KCNQ1: variants seen among roughly 807,000 people sequenced by gnomAD.
The protein encoded by KCNQ1 is potassium voltage-gated channel subfamily Q member 1, also known as potassium voltage-gated channel subfamily KQT member 1.
In KCNQ1, 49 loss-of-function variants were observed where a neutral mutation model predicts 72.4. The observed-to-expected ratio is 0.68, with a 90% CI of 0.54 to 0.86. KCNQ1 has a LOEUF of 0.86. KCNQ1 is among the 40% of genes least tolerant of loss of function. KCNQ1 has a pLI of 0.00. For synonymous variants in KCNQ1, 450 were observed against 412.6 expected (o/e 1.09, Z -1.10); for missense variants, 790 against 945.1 (o/e 0.84, Z 2.15).
In KCNQ1 at chr11:2,563,086, C is replaced by A. The variant is rs1848197872; in HGVS notation, c.478-7542C>A. On this transcript the variant is annotated intron_variant, in intron 2 of 15. Coordinates refer to ENST00000155840, the MANE Select transcript of KCNQ1 (RefSeq NM_000218.3). This position sits in a 1 kb window ranked among gnomAD's most constrained non-coding sequence, Gnocchi z 7.4. The stretch of plus-strand genomic sequence containing the variant: ...GTCAGAACCAGTTATTTCAGGCTGC[C>A]CTGTGATCTTTCCCACGTGATTGAT... Among the ~76,000 whole-genome samples, 1 of 152,142 alleles carries A rather than the reference C, an allele frequency of 6.6e-6. No homozygotes were observed. The highest frequency in any genetic ancestry group is 6.5e-5 in the Admixed American group (1 of 15,268).
intron 1 of KCNQ1, among the ~76,000 whole-genome samples, chr11:2,523,916 A>C (rs2133641543): frequency 6.6e-6 from 1 of 151,990 alleles, no homozygotes; most frequent in Admixed American, 6.5e-5. Context: ...GGTCACTGAG[A>C]GGCTGGGGCA....
intron 11 of KCNQ1, chr11:2,685,421 G>C: frequency 2.5e-6 from 1 of 398,710 alleles, no homozygotes; most frequent in African/African-American, 2.1e-5. Flanking sequence ...CCTTCACATA[G>C]AATTGTCACC....
intron 6 of KCNQ1, among the ~76,000 whole-genome samples, chr11:2,582,627 T>C (rs1374617723): frequency 6.6e-6 from 1 of 152,192 alleles, no homozygotes; most frequent in Admixed American, 6.5e-5. Flanking sequence ...CCACCATGCC[T>C]GCTGTCCAGA....
At position 2,651,055 on chromosome 11, in the gene KCNQ1, AC is replaced by A; in HGVS notation, c.1394-10905del. The A allele has an allele frequency of 2.5e-6, 1 of 398,864 alleles. No individual in the cohort carries two copies. Among genetic ancestry groups the A allele is most frequent in the Non-Finnish European group, 4.4e-6 (1 of 226,258 alleles). The allele number at this position is 398,864 out of a possible 1,614,324, so 24.7% of individuals were successfully genotyped here. On this transcript the variant is annotated intron_variant, in intron 10 of 15. Transcript: ENST00000155840. This position sits in a 1 kb window ranked among gnomAD's most constrained non-coding sequence, Gnocchi z 6.1. Reference sequence around the variant, plus strand: ...TAAAACCACCACCATTTCTCTGCCTACATTGTTGTCCATACCTCATTACTGG... The same window carrying A: ...TAAAACCACCACCATTTCTCTGCCTAATTGTTGTCCATACCTCATTACTGG...
Position 2,815,742 on chromosome 11 carries a change from C to T in KCNQ1, c.1795-32025C>T, listed in dbSNP as rs886657596. ...ATTCAGGAGAGGGTGGGAGCAGACA[C>T]GGGAGTAGGATGGGGGCCCTGGAGG... is the stretch of plus-strand genomic sequence containing the variant. On this transcript the variant is annotated intron_variant, in intron 15 of 15. Transcript: ENST00000155840. This position sits in a 1 kb window ranked among gnomAD's most constrained non-coding sequence, Gnocchi z 5.4. Among the ~76,000 whole-genome samples, 4 of 152,034 alleles carry T rather than the reference C, an allele frequency of 2.6e-5. No homozygotes were observed. The highest frequency in any genetic ancestry group is 6.5e-5 in the Admixed American group (1 of 15,274).
At chr11:2,675,886 T>G (rs1850285053) in intron 11 of KCNQ1, 1 of 398,592 alleles carries the variant, frequency 2.5e-6, no homozygotes, top group Admixed American at 4.4e-5. Flanking sequence ...AATCGTGCTT[T>G]ATGTATTCAA....
rs1848691665 is a variant in KCNQ1 at position 2,593,137 on chromosome 11, A to G, written c.1393+4283A>G. 6.6e-6 allele frequency among the ~76,000 whole-genome samples: 1 copy of G among 152,026 alleles called. No homozygotes were observed. Among genetic ancestry groups the G allele is most frequent in the Non-Finnish European group, 1.5e-5 (1 of 67,988 alleles). ...CCCAAGCTGGTACCATGCCTAACCC[A>G]TGGTGGGTACACGATAAAAATGCAG... On this transcript the variant is annotated intron_variant, in intron 10 of 15. Coordinates refer to ENST00000155840, the MANE Select transcript of KCNQ1 (RefSeq NM_000218.3). The surrounding 1 kb of genome is among the most constrained non-coding windows in gnomAD (Gnocchi z 6.9).
At chr11:2,699,290 G>A (rs1457685271) in intron 11 of KCNQ1, 4 of 398,964 alleles carry the variant, frequency 1.0e-5, no homozygotes, top group South Asian at 1.3e-4. Flanking sequence ...CACTGCTGAC[G>A]CCTGTGATCT....
chr11:2,776,799 C>T (rs943958529), intron 13 of KCNQ1, among the ~76,000 whole-genome samples, 187 bp from the exon 14 acceptor site: 6 of 152,208 alleles, frequency 3.9e-5, no homozygotes, highest in Admixed American at 6.5e-5. Flanking sequence ...TGCTCAGCCC[C>T]CTCGGGAGCA....
chr11:2,537,979 A>T lies in KCNQ1; in HGVS notation c.477+9961A>T, dbSNP rs1181030251. On this transcript the variant is annotated intron_variant, in intron 2 of 15. Coordinates refer to ENST00000155840, the MANE Select transcript of KCNQ1 (RefSeq NM_000218.3). This position sits in a 1 kb window ranked among gnomAD's most constrained non-coding sequence, Gnocchi z 5.2. ...AATCCTCCCACCTCGGCCAACCCAAAGTGCTGAGATTATAGGCATGAACCA... is the reference window on the plus strand; with the variant it reads ...AATCCTCCCACCTCGGCCAACCCAATGTGCTGAGATTATAGGCATGAACCA... 6.6e-6 allele frequency among the ~76,000 whole-genome samples: 1 copy of T among 152,220 alleles called. No homozygotes were observed. The highest frequency in any genetic ancestry group is 1.5e-5 in the Non-Finnish European group (1 of 68,030).
At position 2,845,858 on chromosome 11, in the gene KCNQ1, C is replaced by G. The variant is rs369487503; in HGVS notation, c.1795-1909C>G. ...CCCACTCAGGCAGGCGCCCCCCTCT[C>G]ATCTCAGCCTCTCACAGCACCCTGT... On this transcript the variant is annotated intron_variant, in intron 15 of 15. Transcript: ENST00000155840. Among the ~76,000 whole-genome samples the G allele has an allele frequency of 4.6e-5, 7 of 152,292 alleles. No individual in the cohort carries two copies. In the East Asian group the frequency reaches 1.2e-3, roughly 25 times the overall value.
rs1849014531 is a variant in KCNQ1, at chr11:2,613,542, C to T, written c.1393+24688C>T. 2.5e-6 allele frequency: 1 copy of T among 398,398 alleles called. No homozygotes were observed. The highest frequency in any genetic ancestry group is 4.4e-6 in the Non-Finnish European group (1 of 226,034). The allele number at this position is 398,398 out of a possible 1,614,324, so 24.7% of individuals were successfully genotyped here. A position where few individuals can be genotyped will look rare whatever the true frequency, so the allele number is the denominator to read the frequency against. On this transcript the variant is annotated intron_variant, in intron 10 of 15. Coordinates refer to ENST00000155840, the MANE Select transcript of KCNQ1 (RefSeq NM_000218.3). The surrounding 1 kb of genome is among the most constrained non-coding windows in gnomAD (Gnocchi z 4.8). ...ATGGCAGCCCCACGTTAAATCATAA[C>T]CCTGCTATTCTTAGGAAGGCTTAAT...
intron 15 of KCNQ1, among the ~76,000 whole-genome samples, chr11:2,839,326 A>C (rs1212360571): frequency 6.6e-6 from 1 of 152,020 alleles, no homozygotes; most frequent in African/African-American, 2.4e-5. Context: ...TCTGCCACTG[A>C]CTCCCTCCAT....
At chr11:2,539,178 A>T (rs1847783148) in intron 2 of KCNQ1, among the ~76,000 whole-genome samples, 1 of 151,882 alleles carries the variant, frequency 6.6e-6, no homozygotes, top group South Asian at 2.1e-4. Context: ...CCACCAGAAC[A>T]CCTCCTCCAG....
intron 15 of KCNQ1, among the ~76,000 whole-genome samples, chr11:2,825,685 G>A (rs1847823232): frequency 6.6e-6 from 1 of 152,252 alleles, no homozygotes; most frequent in South Asian, 2.1e-4. Flanking sequence ...ACAATAAACA[G>A]ACAATTAATT....
Position 2,733,814 on chromosome 11 carries a change from A to ACACACACACACACACT in KCNQ1, c.1515-35029_1515-35028insACACACACACACACTC. Among the ~76,000 whole-genome samples the ACACACACACACACACT allele has an allele frequency of 2.8e-4, 24 of 86,644 alleles. No homozygotes were observed. The East Asian group carries it at 3.2e-3, about 11-fold the overall frequency. 56.8% of individuals were successfully genotyped at this position (86,644 alleles called of 152,430 possible). ...CACACACACACACACACACACACAC[A>ACACACACACACACACT]CTCTCTCACTCTCTCTCTCTCTCTC... is the stretch of plus-strand genomic sequence containing the variant. On this transcript the variant is annotated intron_variant, in intron 11 of 15. Transcript: ENST00000155840.
Position 2,592,184 on chromosome 11 carries a change from C to T in KCNQ1, c.1393+3330C>T, listed in dbSNP as rs528756928. Among the ~76,000 whole-genome samples the T allele has an allele frequency of 2.4e-4, 37 of 152,366 alleles. No homozygotes were observed. Among genetic ancestry groups the T allele is most frequent in the African/African-American group, 8.4e-4 (35 of 41,592 alleles). ...CACACAAGCCCCTTCAGCTCGTGCT[C>T]TAGCTGGTGCTGTGCGGTGTTGGCC... On this transcript the variant is annotated intron_variant, in intron 10 of 15. Transcript: ENST00000155840. The surrounding 1 kb of genome is among the most constrained non-coding windows in gnomAD (Gnocchi z 5.2).
chr11:2,504,325 G>A (rs534980357), intron 1 of KCNQ1, among the ~76,000 whole-genome samples: 2 of 152,142 alleles, frequency 1.3e-5, no homozygotes, highest in South Asian at 4.2e-4. Context: ...ACCAGAGGCT[G>A]GGAAGGGTAG....
rs1156692206 is a variant in KCNQ1 at position 2,482,943 on chromosome 11, T to G, written c.386+37459T>G. On this transcript the variant is annotated intron_variant, in intron 1 of 15. Coordinates refer to ENST00000155840, the MANE Select transcript of KCNQ1 (RefSeq NM_000218.3). This position sits in a 1 kb window ranked among gnomAD's most constrained non-coding sequence, Gnocchi z 5.7. ...AGAGTCATGGACCGGCATGGCGTGG[T>G]AATGCATGGTGCGTGTCTCTTAGCA... 3.3e-5 allele frequency among the ~76,000 whole-genome samples: 5 copies of G among 152,010 alleles called. No homozygotes were observed. Among genetic ancestry groups the G allele is most frequent in the Admixed American group, 2.6e-4 (4 of 15,258 alleles).
Sources: gnomAD v4.1 joint callset for allele counts (sites outside exome capture counted in the v4.1 genomes callset) on GRCh38, gnomAD v4.1.1 for gene constraint, Gnocchi (gnomAD v3.1) non-coding constraint, MANE v1.5 for transcripts, NCBI Gene and HGNC (gene_info 2026-07-23, HGNC 2026-07-21) for gene names.